ADGRG6: variants seen among roughly 807,000 people sequenced by gnomAD.
The protein encoded by ADGRG6 is G-protein coupled receptor 126.
A neutral mutation model predicts 142.4 loss-of-function variants in ADGRG6; 84 were observed. The observed-to-expected ratio is 0.59, with a 90% CI of 0.49 to 0.71. The LOEUF (loss-of-function observed/expected upper bound fraction) is 0.71, where lower values mean the gene tolerates loss of function less well. Ranked by LOEUF, ADGRG6 falls within the 30% of genes least tolerant of loss-of-function variation. The pLI, the probability that ADGRG6 is intolerant of heterozygous loss-of-function variation, is 0.00. For missense variants in ADGRG6, 1,367 were observed against 1,466.6 expected (o/e 0.93, Z 1.11); for synonymous variants, 521 against 520.5 (o/e 1.00, Z -0.01).
intron 15 of ADGRG6, 88 bp from the exon 16 acceptor site, chr6:142,408,062 A>T (rs1480795160): frequency 2.2e-6 from 2 of 910,690 alleles, no homozygotes; most frequent in Non-Finnish European, 3.3e-6. Flanking sequence ...AAGTGTAAAA[A>T]TTGCTGACAG....
At chr6:142,373,871 TTTTTC>T (rs1259053753) in intron 4 of ADGRG6, among the ~76,000 whole-genome samples, 2 of 150,492 alleles carry the variant, frequency 1.3e-5, no homozygotes, top group Non-Finnish European at 3.0e-5. Flanking sequence ...CTTGTTTTTC[TTTTTC>T]TTTTCTTTTT....
chr6:142,416,956 T>C (rs1562380112), intron 20 of ADGRG6, among the ~76,000 whole-genome samples: 1 of 152,186 alleles, frequency 6.6e-6, no homozygotes, highest in African/African-American at 2.4e-5. Context: ...GAAACCACAT[T>C]CACTAGTGCT....
At chr6:142,417,069 G>A in intron 20 of ADGRG6, 1 of 606,298 alleles carries the variant, frequency 1.6e-6, no homozygotes, top group Non-Finnish European at 3.0e-6. Flanking sequence ...ATTGTTGCCA[G>A]TTAGAGTTGG....
intron 2 of ADGRG6, among the ~76,000 whole-genome samples, chr6:142,332,694 C>T (rs2114672134): frequency 6.6e-6 from 1 of 152,146 alleles, no homozygotes; most frequent in East Asian, 1.9e-4. Context: ...GCAAGAGAGA[C>T]ACAATATAGT....
intron 22 of ADGRG6, among the ~76,000 whole-genome samples, chr6:142,424,733 T>G (rs1053359646): frequency 1.3e-5 from 2 of 152,126 alleles, no homozygotes; most frequent in Admixed American, 6.6e-5. Flanking sequence ...TTGGAATAAT[T>G]TTTTCTCTTT....
chr6:142,405,926 GT>G, intron 15 of ADGRG6, 98 bp downstream of exon 15: 2 of 836,566 alleles, frequency 2.4e-6, no homozygotes, highest in Non-Finnish European at 3.5e-6. Flanking sequence ...ATATCAGAAG[GT>G]TTAGAAAAAT....
chr6:142,328,651 G>A (rs748453104), intron 2 of ADGRG6, among the ~76,000 whole-genome samples: 1 of 152,130 alleles, frequency 6.6e-6, no homozygotes. Flanking sequence ...TTTTATACCA[G>A]TGGTTTTTCA....
At chr6:142,360,801 G>A (rs1341585346) in intron 2 of ADGRG6, among the ~76,000 whole-genome samples, 1 of 152,112 alleles carries the variant, frequency 6.6e-6, no homozygotes, top group Non-Finnish European at 1.5e-5. Context: ...GGGATTACAG[G>A]CATGTGCCAC....
intron 2 of ADGRG6, among the ~76,000 whole-genome samples, chr6:142,317,812 A>C (rs1157016414): frequency 1.1e-4 from 10 of 91,552 alleles, no homozygotes; most frequent in Non-Finnish European, 2.0e-4. Context: ...ATATATATTT[A>C]TATATATTAA....
intron 4 of ADGRG6, among the ~76,000 whole-genome samples, chr6:142,375,627 G>C (rs1005709348): frequency 1.3e-5 from 2 of 152,148 alleles, no homozygotes; most frequent in Admixed American, 6.6e-5. Flanking sequence ...GCTGTTTATG[G>C]TTATAATTTC....
chr6:142,352,793 C>A (rs1265533902), intron 2 of ADGRG6, among the ~76,000 whole-genome samples: 1 of 151,958 alleles, frequency 6.6e-6, no homozygotes, highest in Non-Finnish European at 1.5e-5. Context: ...TGTAATAGTT[C>A]TCCCCTTTTT....
In ADGRG6 at chr6:142,318,242, TTA is replaced by T. The variant is rs1468442786; in HGVS notation, c.103+8604_103+8605del. On this transcript the variant is annotated intron_variant, in intron 2 of 24. Coordinates refer to ENST00000367609, the MANE Select transcript of ADGRG6 (RefSeq NM_198569.3). The stretch of plus-strand genomic sequence containing the variant: ...TTATATATATTTATATTATATATAT[TTA>T]TATATTATATATATTTATTATATAT... Among the ~76,000 whole-genome samples the T allele has an allele frequency of 1.9e-3, 98 of 51,478 alleles. 3 individuals carry two copies. The highest frequency in any genetic ancestry group is 8.2e-3 in the African/African-American group (91 of 11,050). 33.8% of individuals were successfully genotyped at this position (51,478 alleles called of 152,430 possible). A position where few individuals can be genotyped will look rare whatever the true frequency, so the allele number is the denominator to read the frequency against.
intron 15 of ADGRG6, 22 bp from the exon 16 acceptor site, chr6:142,408,128 G>A (rs1056866088): frequency 3.9e-6 from 6 of 1,527,626 alleles, no homozygotes; most frequent in African/African-American, 2.8e-5. Context: ...ACTGATACAC[G>A]CGATTTTTTT....
intron 2 of ADGRG6, among the ~76,000 whole-genome samples, chr6:142,366,803 C>T (rs1780961521): frequency 6.6e-6 from 1 of 151,028 alleles, no homozygotes; most frequent in South Asian, 2.1e-4. Context: ...CTTTGCTGCT[C>T]ATTGATATTG....
chr6:142,328,791 C>T lies in ADGRG6; in HGVS notation c.103+19147C>T, dbSNP rs183431386. 1.7e-4 allele frequency among the ~76,000 whole-genome samples: 26 copies of T among 152,216 alleles called. No homozygotes were observed. The East Asian group carries it at 5.0e-3, about 29-fold the overall frequency. ...GGTAGCGCTCATTGACTTGTGTTTG[C>T]CCAAGCTTTCCAGGTGATTTCGATG... On this transcript the variant is annotated intron_variant, in intron 2 of 24. Transcript: ENST00000367609.
chr6:142,306,110 T>C (rs942604473), intron 1 of ADGRG6, among the ~76,000 whole-genome samples: 12 of 152,230 alleles, frequency 7.9e-5, no homozygotes, highest in Admixed American at 5.2e-4. Context: ...CAGTTATTTC[T>C]GACAGTTGCT....
At chr6:142,417,765 T>C (rs1776439916) in intron 21 of ADGRG6, among the ~76,000 whole-genome samples, 1 of 152,156 alleles carries the variant, frequency 6.6e-6, no homozygotes, top group African/African-American at 2.4e-5. Context: ...ATTTAGAGAA[T>C]GGAGAAATCA....
At chr6:142,417,124 A>G (rs1335690796) in intron 20 of ADGRG6, 149 bp from the exon 21 acceptor site, 1 of 692,128 alleles carries the variant, frequency 1.4e-6, no homozygotes, top group Non-Finnish European at 2.7e-6. Context: ...CCAAGTTGCC[A>G]TTTCTAAGAA....
Position 142,420,018 on chromosome 6 carries a change from G to C in ADGRG6, c.3233G>C (p.Gly1078Ala). The C allele has an allele frequency of 6.2e-7, 1 of 1,613,434 alleles. No individual in the cohort carries two copies. Among genetic ancestry groups the C allele is most frequent in the Non-Finnish European group, 8.5e-7 (1 of 1,179,484 alleles). The change falls in exon 22 of 25, where the codon GGC becomes GCC. Residue 1078 changes from glycine (G) to alanine (A), a missense_variant. Transcript: ENST00000367609. The part of the protein sequence containing the change: ...RSVVSLTFLL[G>A]MTWGFAFFAW... ...GTGGTTAGCTTGACCTTTCTGTTGGGCATGACATGGGGTTTTGCATTCTTT... is the reference window on the plus strand; with the variant it reads ...GTGGTTAGCTTGACCTTTCTGTTGGCCATGACATGGGGTTTTGCATTCTTT...
Sources: gnomAD v4.1 joint callset for allele counts (sites outside exome capture counted in the v4.1 genomes callset) on GRCh38, gnomAD v4.1.1 for gene constraint, MANE v1.5 for transcripts, NCBI Gene and HGNC (gene_info 2026-07-23, HGNC 2026-07-21) for gene names.